The following RBL1 variants were observed in gnomAD, a reference collection of about 807,000 sequenced individuals.
RBL1 encodes RB transcriptional corepressor like 1, also known as retinoblastoma-like protein 1.
In RBL1, 82 loss-of-function variants were observed where a neutral mutation model predicts 123.0. That is an observed-to-expected ratio of 0.67 (90% confidence interval 0.56 to 0.80). The LOEUF is 0.80. Among genes scored for constraint, RBL1 ranks in the 30% least tolerant of loss-of-function variants. The pLI is 0.00. For missense variants in RBL1, 1,171 were observed against 1,299.6 expected (o/e 0.90, Z 1.52); for synonymous variants, 405 against 441.3 (o/e 0.92, Z 1.03).
At chr20:37,095,075 A>G (rs1367815401) in intron 1 of RBL1, among the ~76,000 whole-genome samples, 2 of 152,214 alleles carry the variant, frequency 1.3e-5, no homozygotes, top group South Asian at 2.1e-4. Flanking sequence ...AATGATGGGG[A>G]AAAAAATCAA....
chr20:37,009,806 A>C (rs1486842679), intron 19 of RBL1, among the ~76,000 whole-genome samples: 1 of 152,106 alleles, frequency 6.6e-6, no homozygotes, highest in Non-Finnish European at 1.5e-5. Context: ...CAAACATTTA[A>C]AATTGTGGGA....
chr20:37,088,147 C>G (rs1251265089), intron 2 of RBL1, among the ~76,000 whole-genome samples: 5 of 152,022 alleles, frequency 3.3e-5, no homozygotes. Flanking sequence ...TGCCTGTAAT[C>G]CCAGCTACTC....
At chr20:37,018,992 G>A (rs1186414281) in intron 18 of RBL1, among the ~76,000 whole-genome samples, 1 of 151,346 alleles carries the variant, frequency 6.6e-6, no homozygotes, top group African/African-American at 2.4e-5. Flanking sequence ...CAAAAGACCT[G>A]AATTAATTCC....
At chr20:37,065,030 CA>C (rs2065157123) in intron 7 of RBL1, among the ~76,000 whole-genome samples, 1 of 151,232 alleles carries the variant, frequency 6.6e-6, no homozygotes, top group Non-Finnish European at 1.5e-5. Context: ...CTCCCAGATT[CA>C]AACGATCCTC....
intron 9 of RBL1, among the ~76,000 whole-genome samples, chr20:37,057,056 CCTATCT>C (rs2065024417): frequency 1.3e-5 from 2 of 151,308 alleles, no homozygotes; most frequent in Non-Finnish European, 2.9e-5. Context: ...TACCTATCTA[CCTATCT>C]ACACACACAC....
At chr20:37,067,951 T>C (rs918417182) in intron 3 of RBL1, 35 bp downstream of exon 3, 1 of 1,592,016 alleles carries the variant, frequency 6.3e-7, no homozygotes, top group Non-Finnish European at 8.5e-7. Flanking sequence ...TGTATCATAA[T>C]CTTTATGTCA....
In RBL1 at chr20:37,035,237, G is replaced by T; in HGVS notation, c.2170+5C>A. 1 of 1,608,936 alleles carries T rather than the reference G, an allele frequency of 6.2e-7. No individual in the cohort carries two copies. Among genetic ancestry groups the T allele is most frequent in the Non-Finnish European group, 8.5e-7 (1 of 1,176,700 alleles). ...AAGTACAAAACAAATGCACTATAAC[G>T]TTACCATGTAATGGAATTGTAACTT... On this transcript the variant is annotated splice_donor_5th_base_variant and intron_variant, in intron 15 of 21. Coordinates refer to ENST00000373664, the MANE Select transcript of RBL1 (RefSeq NM_002895.5).
chr20:37,022,694 GCC>G lies in RBL1; in HGVS notation c.2513_2514del (p.Arg838ThrfsTer31). 1 of 1,613,206 alleles carries G rather than the reference GCC, an allele frequency of 6.2e-7. No individual in the cohort carries two copies. The highest frequency in any genetic ancestry group is 8.5e-7 in the Non-Finnish European group (1 of 1,179,592). On this transcript the variant is annotated frameshift_variant, in exon 17 of 22. Coordinates refer to ENST00000373664, the MANE Select transcript of RBL1 (RefSeq NM_002895.5). LOFTEE classifies it high-confidence loss of function. ...LVHCPDLMKD[R>X]HLDQLLLCAF... ...GCACAAAGGAGGAGCTGATCCAAATGCCTGTCTTTCATTAGATCAGGACAGTG... is the reference window on the plus strand; with the variant it reads ...GCACAAAGGAGGAGCTGATCCAAATGTGTCTTTCATTAGATCAGGACAGTG...
intron 10 of RBL1, 26 bp downstream of exon 10, chr20:37,056,120 T>G (rs771970510): frequency 1.3e-6 from 2 of 1,593,986 alleles, no homozygotes; most frequent in South Asian, 1.1e-5. Flanking sequence ...TTCAATGCTA[T>G]GCCAACTGTA....
chr20:37,029,947 G>A lies in RBL1; in HGVS notation c.2382+2718C>T, dbSNP rs541615161. On this transcript the variant is annotated intron_variant, in intron 16 of 21. Coordinates refer to ENST00000373664, the MANE Select transcript of RBL1 (RefSeq NM_002895.5). ...GTTGCTGAAAGAAATTAAAGAAGACGCAAATGAAAAGACATCCTATGATCA... is the reference window on the plus strand; with the variant it reads ...GTTGCTGAAAGAAATTAAAGAAGACACAAATGAAAAGACATCCTATGATCA... Among the ~76,000 whole-genome samples the A allele has an allele frequency of 3.9e-5, 6 of 152,294 alleles. No individual in the cohort carries two copies. The South Asian group carries it at 1.0e-3, about 26-fold the overall frequency.
intron 13 of RBL1, among the ~76,000 whole-genome samples, chr20:37,043,733 T>C (rs906132233): frequency 2.6e-5 from 4 of 152,142 alleles, no homozygotes; most frequent in Admixed American, 1.3e-4. Flanking sequence ...AAAAACATTA[T>C]GCTAAGTGAC....
intron 20 of RBL1, among the ~76,000 whole-genome samples, chr20:37,006,563 G>A (rs1339943894): frequency 6.6e-6 from 1 of 151,358 alleles, no homozygotes; most frequent in African/African-American, 2.4e-5. Flanking sequence ...CAAATTTGCT[G>A]GGTGCAGTGG....
At chr20:37,002,769 G>A (rs2064009676) in intron 21 of RBL1, among the ~76,000 whole-genome samples, 3 of 151,650 alleles carry the variant, frequency 2.0e-5, no homozygotes, top group South Asian at 4.2e-4. Context: ...CCAGGCTGGA[G>A]TGCAAAGGGG....
intron 19 of RBL1, among the ~76,000 whole-genome samples, chr20:37,016,316 C>T (rs2146218753): frequency 6.6e-6 from 1 of 152,270 alleles, no homozygotes; most frequent in Admixed American, 6.5e-5. Context: ...GTGTGAGCCA[C>T]CACACCCGGC....
intron 3 of RBL1, 39 bp from the exon 4 acceptor site, chr20:37,067,336 C>T (rs781382834): frequency 1.3e-5 from 19 of 1,416,196 alleles, no homozygotes; most frequent in African/African-American, 1.0e-4. Context: ...CTGACTAGCT[C>T]GCTAAATATC....
Position 37,035,507 on chromosome 20 carries a change from A to C in RBL1, c.1905T>G (p.Asp635Glu). 6.4e-7 allele frequency: 1 copy of C among 1,552,552 alleles called. No individual in the cohort carries two copies. The highest frequency in any genetic ancestry group is 8.7e-7 in the Non-Finnish European group (1 of 1,152,652). ...CAGAAATTGGAGACAATGGTTGCAT[A>C]TCTAAAAAAAAATAATAAATTTAAA... Reference protein sequence around the residue: ...VRTDSGSLRRDMQPLSPISVH... With the variant: ...VRTDSGSLRREMQPLSPISVH... The change falls in exon 15 of 22, where the codon GAT (aspartate) becomes GAG (glutamate). Residue 635 changes from aspartate to glutamate, a missense_variant and splice_region_variant. Asp to Glu is a conservative substitution (Grantham distance 45). Coordinates refer to ENST00000373664, the MANE Select transcript of RBL1 (RefSeq NM_002895.5).
At position 37,056,176 on chromosome 20, in the gene RBL1, A is replaced by G. The variant is rs1296119836; in HGVS notation, c.1333T>C (p.Ser445Pro). Residue 445 changes from serine (S) to proline (P), a missense_variant, in exon 10 of 22, where the codon TCA becomes CCA. By Grantham distance (74) the Ser-to-Pro change is moderately conservative (BLOSUM62 -1). Transcript: ENST00000373664. ...TGAGATCCTGGCTGTTCATCTGTTG[A>G]TTGAGTATAGTGTTGACAGAAAGTC... ...GETFCQHYTQ[S>P]TDEQPGSHID... 6.2e-7 allele frequency: 1 copy of G among 1,610,316 alleles called. No individual in the cohort carries two copies.
intron 2 of RBL1, among the ~76,000 whole-genome samples, chr20:37,079,465 A>ATT (rs768901139): frequency 0.097 from 11,212 of 115,628 alleles, 1,735 homozygotes; most frequent in African/African-American, 0.3. Flanking sequence ...GGCTTAAAGC[A>ATT]TTTTTTTTTT....
At chr20:37,000,836 G>A (rs1479552465) in intron 21 of RBL1, among the ~76,000 whole-genome samples, 12 of 137,372 alleles carry the variant, frequency 8.7e-5, no homozygotes, top group South Asian at 4.5e-4. Flanking sequence ...CTGCCTGGCC[G>A]CCCCTACTGG....
Sources: gnomAD v4.1 joint callset for allele counts (sites outside exome capture counted in the v4.1 genomes callset) on GRCh38, gnomAD v4.1.1 for gene constraint, MANE v1.5 for transcripts, NCBI Gene and HGNC (gene_info 2026-07-23, HGNC 2026-07-21) for gene names.